Variants in PITPNA observed in about 807,000 individuals in gnomAD.
PITPNA encodes the protein phosphatidylinositol transfer protein alpha, also known as phosphatidylinositol transfer protein alpha isoform.
Under a neutral mutation model 50.3 loss-of-function variants are expected in PITPNA, and 13 were observed. The ratio of observed to expected loss-of-function variants is 0.26; its 90% CI spans 0.17 to 0.41. The LOEUF is 0.41. Among genes scored for constraint, PITPNA ranks in the 10% least tolerant of loss-of-function variants. The probability of loss-of-function intolerance (pLI) is 1.00; values close to 1 mark genes in which losing one functional copy is unlikely to be tolerated. For synonymous variants in PITPNA, 120 were observed against 119.6 expected (o/e 1.00, Z -0.02); for missense variants, 207 against 333.4 (o/e 0.62, Z 2.95).
At chr17:1,532,348 A>G (rs1157048967) in intron 10 of PITPNA, among the ~76,000 whole-genome samples, 1 of 152,138 alleles carries the variant, frequency 6.6e-6, no homozygotes, top group African/African-American at 2.4e-5. Context: ...TAGCCTCCCA[A>G]AGTGCTGGGA....
intron 10 of PITPNA, among the ~76,000 whole-genome samples, chr17:1,531,333 C>T (rs2075581701): frequency 6.6e-6 from 1 of 151,918 alleles, no homozygotes; most frequent in Non-Finnish European, 1.5e-5. Flanking sequence ...AGGTTCCCGC[C>T]CCCGAATGTA....
rs191414079 is a variant in PITPNA at position 1,553,090 on chromosome 17, G to A, written c.111C>T (p.Gly37=). 4.0e-4 allele frequency: 648 copies of A among 1,613,570 alleles called. 2 individuals carry two copies. Among genetic ancestry groups the A allele is most frequent in the Non-Finnish European group, 5.1e-4 (598 of 1,179,796 alleles). ...CATTCACCAGGACCTCCACGCCTTC[G>A]CCACCACCCGTTTCATTTTTACTGG... ...AEASKNETGG[G]EGVEVLVNEP... Residue 37 remains glycine (G), a synonymous_variant, in exon 3 of 12, where the codon GGC becomes GGT. Transcript: ENST00000313486.
At chr17:1,524,259 T>G (rs12948467) in intron 10 of PITPNA, among the ~76,000 whole-genome samples, 1 of 149,968 alleles carries the variant, frequency 6.7e-6, no homozygotes, top group Admixed American at 6.6e-5. Flanking sequence ...TTAGCCAGGA[T>G]GGTCTCCATG....
Position 1,562,434 on chromosome 17 carries a change from G to T in PITPNA, c.20+107C>A, listed in dbSNP as rs2075773342. 3 of 934,074 alleles carry T rather than the reference G, an allele frequency of 3.2e-6. No individual in the cohort carries two copies. The highest frequency in any genetic ancestry group is 2.6e-4 in the Middle Eastern group (1 of 3,880). The allele number at this position is 934,074 out of a possible 1,614,324, so 57.9% of individuals were successfully genotyped here. ...CCCGCCTCAGGCACCCTCCGTCCCT[G>T]CTGCCCCTCCGTCCATCCGGGCCCT... On this transcript the variant is annotated intron_variant, in intron 1 of 11. Coordinates refer to ENST00000313486, the MANE Select transcript of PITPNA (RefSeq NM_006224.4). The surrounding 1 kb of genome is among the most constrained non-coding windows in gnomAD (Gnocchi z 6.4).
At chr17:1,535,713 T>A in intron 7 of PITPNA, 195 bp from the exon 8 acceptor site, 2 of 593,900 alleles carry the variant, frequency 3.4e-6, no homozygotes, top group Non-Finnish European at 6.0e-6. Flanking sequence ...TGTGATTTTC[T>A]CCGATAGGGT....
chr17:1,552,035 T>C (rs1248833549), intron 3 of PITPNA, among the ~76,000 whole-genome samples: 2 of 150,346 alleles, frequency 1.3e-5, no homozygotes, highest in African/African-American at 4.9e-5. Flanking sequence ...CCTCGCACCC[T>C]GGCACTGAGG....
intron 10 of PITPNA, among the ~76,000 whole-genome samples, chr17:1,527,915 C>T (rs1341703365): frequency 6.6e-6 from 1 of 152,218 alleles, no homozygotes; most frequent in African/African-American, 2.4e-5. Flanking sequence ...GGTGTGTTGG[C>T]CCACGCCTAC....
At chr17:1,541,489 C>T in intron 6 of PITPNA, 77 bp downstream of exon 6, 1 of 1,017,446 alleles carries the variant, frequency 9.8e-7, no homozygotes, top group Non-Finnish European at 1.6e-6. Context: ...CAGAGAGGAC[C>T]CCATGGTAGC....
At chr17:1,537,112 C>T (rs1167361139) in intron 7 of PITPNA, among the ~76,000 whole-genome samples, 2 of 150,870 alleles carry the variant, frequency 1.3e-5, no homozygotes, top group African/African-American at 4.9e-5. Flanking sequence ...TTTGCCCAGG[C>T]TGGTGCAAAG....
At chr17:1,543,686 G>A (rs1383265553) in intron 4 of PITPNA, among the ~76,000 whole-genome samples, 4 of 152,134 alleles carry the variant, frequency 2.6e-5, no homozygotes, top group African/African-American at 9.7e-5. Flanking sequence ...TGTAGAGTGT[G>A]TGGGGTAACA....
intron 6 of PITPNA, among the ~76,000 whole-genome samples, chr17:1,539,441 A>T (rs549028881): frequency 9.4e-4 from 137 of 145,270 alleles, no homozygotes; most frequent in Non-Finnish European, 1.7e-3. Context: ...GGCCCTAGTG[A>T]TCCTCCTGTC....
chr17:1,541,638 A>G lies in PITPNA; in HGVS notation c.300T>C (p.Asn100=). ...TCAGAAAGTCTTCTTTCATGTACTC[A>G]TTCTGGAAGAAGGAAAAAAAATACA... is the stretch of plus-strand genomic sequence containing the variant. ...AYPYCRTVIT[N]EYMKEDFLIK... is the part of the protein sequence containing the mutation. Residue 100 remains asparagine, a splice_region_variant and synonymous_variant, in exon 6 of 12, where the codon AAT becomes AAC. Transcript: ENST00000313486. The G allele has an allele frequency of 6.2e-7, 1 of 1,604,794 alleles. No homozygotes were observed. The highest frequency in any genetic ancestry group is 8.5e-7 in the Non-Finnish European group (1 of 1,171,596).
chr17:1,534,305 AC>A, intron 9 of PITPNA, 84 bp from the exon 10 acceptor site: 1 of 1,544,958 alleles, frequency 6.5e-7, no homozygotes, highest in Non-Finnish European at 8.9e-7. Context: ...CCACACGAAT[AC>A]CCACACTAGA....
intron 10 of PITPNA, among the ~76,000 whole-genome samples, chr17:1,526,225 A>G (rs2075547107): frequency 6.6e-6 from 1 of 152,272 alleles, no homozygotes; most frequent in Non-Finnish European, 1.5e-5. Flanking sequence ...CTAATCATGC[A>G]GAAACATCAA....
At chr17:1,551,477 G>A (rs546271129) in intron 3 of PITPNA, among the ~76,000 whole-genome samples, 1 of 151,976 alleles carries the variant, frequency 6.6e-6, no homozygotes, top group South Asian at 2.1e-4. Context: ...ATTTTTTGTA[G>A]AGATGGAGTC....
chr17:1,523,674 A>AT lies in PITPNA; in HGVS notation c.769-2030dup, dbSNP rs1261767976. Among the ~76,000 whole-genome samples, 311 of 150,090 alleles carry AT rather than the reference A, an allele frequency of 2.1e-3. 1 individual carries two copies. The highest frequency in any genetic ancestry group is 4.9e-3 in the African/African-American group (200 of 40,518). On this transcript the variant is annotated intron_variant, in intron 10 of 11. Transcript: ENST00000313486. ...AGGCACACGCCACCATGCCTGGCTAATTTTTTTTTGTATTTTAATAGGGAC... is the reference window on the plus strand; with the variant it reads ...AGGCACACGCCACCATGCCTGGCTAATTTTTTTTTTGTATTTTAATAGGGAC...
intron 1 of PITPNA, among the ~76,000 whole-genome samples, chr17:1,560,521 T>TAAAAG (rs1225445926): frequency 2.6e-5 from 4 of 152,168 alleles, no homozygotes; most frequent in Non-Finnish European, 5.9e-5. Flanking sequence ...CCTTGCAGGC[T>TAAAAG]TCAAGGGGAG....
At chr17:1,526,066 A>G (rs1020874678) in intron 10 of PITPNA, among the ~76,000 whole-genome samples, 2 of 152,192 alleles carry the variant, frequency 1.3e-5, no homozygotes, top group Non-Finnish European at 2.9e-5. Flanking sequence ...GGCCAGTTAC[A>G]GGGTCATGAA....
At chr17:1,542,006 T>C (rs564056122) in intron 5 of PITPNA, among the ~76,000 whole-genome samples, 21 of 151,998 alleles carry the variant, frequency 1.4e-4, no homozygotes, top group African/African-American at 5.1e-4. Context: ...TCGAGACCAG[T>C]CTGGCCAACA....
Sources: gnomAD v4.1 joint callset for allele counts (sites outside exome capture counted in the v4.1 genomes callset) on GRCh38, gnomAD v4.1.1 for gene constraint, Gnocchi (gnomAD v3.1) non-coding constraint, MANE v1.5 for transcripts, NCBI Gene and HGNC (gene_info 2026-07-23, HGNC 2026-07-21) for gene names.